PRSS12: variants seen among roughly 807,000 people sequenced by gnomAD.
PRSS12 encodes the protein neurotrypsin.
Under a neutral mutation model 104.4 loss-of-function variants are expected in PRSS12, and 85 were observed. The ratio of observed to expected loss-of-function variants is 0.81; its 90% CI spans 0.68 to 0.98. The LOEUF (loss-of-function observed/expected upper bound fraction) is 0.98. Ranked by LOEUF, PRSS12 falls within the 50% of genes least tolerant of loss-of-function variation. PRSS12 has a pLI of 0.00. For missense variants in PRSS12, 1,141 were observed against 1,139.2 expected, an observed-to-expected ratio of 1.00 and a Z score of -0.02; for synonymous variants, 454 against 425.2, an observed-to-expected ratio of 1.07 and a Z score of -0.83.
rs1743370450 is a variant in PRSS12 at position 118,300,115 on chromosome 4, A to G, written c.1632-1177T>C. ...AGCCTTGAACTCTTGGGCTCGGGAG[A>G]CCCTCTCACCTCATCCCCCCAAGTA... is the stretch of plus-strand genomic sequence containing the variant. On this transcript the variant is annotated intron_variant, in intron 8 of 12. Transcript: ENST00000296498. Among the ~76,000 whole-genome samples, 3 of 150,980 alleles carry G rather than the reference A, an allele frequency of 2.0e-5. No homozygotes were observed. The South Asian group carries it at 6.3e-4, about 32-fold the overall frequency.
Position 118,335,588 on chromosome 4 carries a change from G to A in PRSS12, c.705C>T (p.Ser235=), listed in dbSNP as rs768927898. 1 of 1,614,020 alleles carries A rather than the reference G, an allele frequency of 6.2e-7. No individual in the cohort carries two copies. Residue 235 remains serine, a synonymous_variant, in exon 3 of 13, where the codon AGC becomes AGT. Transcript: ENST00000296498. ...SGLGLIPIYW[S]NVRCRGDEEN... is the part of the protein sequence containing the mutation. ...CTTCATCTCCTCGGCAACGGACATT[G>A]CTCCAATAAATGGGAATAAGGCCCA...
Position 118,352,649 on chromosome 4 carries a change from G to C in PRSS12, c.72C>G (p.Val24=), listed in dbSNP as rs1337301506. Residue 24 remains valine (V), a synonymous_variant, in exon 1 of 13, where the codon GTC becomes GTG. Coordinates refer to ENST00000296498, the MANE Select transcript of PRSS12 (RefSeq NM_003619.4). ...GGCTGTGGTGGAGGGAATCATTGAGGACAGAATCAAAGCCGACCACTTCGG... is the reference window on the plus strand; with the variant it reads ...GGCTGTGGTGGAGGGAATCATTGAGCACAGAATCAAAGCCGACCACTTCGG... ...ALPEVVGFDS[V]LNDSLHHSHR... is the part of the protein sequence containing the mutation. 6.2e-7 allele frequency: 1 copy of C among 1,613,290 alleles called. No homozygotes were observed. Among genetic ancestry groups the C allele is most frequent in the Non-Finnish European group, 8.5e-7 (1 of 1,179,588 alleles).
chr4:118,328,147 CAAATT>C (rs1240209548), intron 4 of PRSS12, among the ~76,000 whole-genome samples: 1 of 152,108 alleles, frequency 6.6e-6, no homozygotes, highest in African/African-American at 2.4e-5. Flanking sequence ...ATGAGCAAAA[CAAATT>C]ATAGAGAAAG....
Position 118,352,498 on chromosome 4 carries a change from G to A in PRSS12, c.223C>T (p.Gln75Ter), listed in dbSNP as rs1418021891. The change falls in exon 1 of 13, where the codon CAG (glutamine) becomes TAG (stop). Residue 75 changes from glutamine to a stop codon, truncating the protein, a stop_gained. Coordinates refer to ENST00000296498, the MANE Select transcript of PRSS12 (RefSeq NM_003619.4). LOFTEE classifies it high-confidence loss of function. ...FPRPPRALPA[Q>*]RPHALQAGHT... ...CCGGCCTGGAGGGCGTGCGGGCGCT[G>A]GGCAGGGAGCGCCCGCGGGGGGCGC... 8 of 1,426,954 alleles carry A rather than the reference G, an allele frequency of 5.6e-6. No homozygotes were observed. The highest frequency in any genetic ancestry group is 6.4e-6 in the Non-Finnish European group (7 of 1,091,352). The allele number at this position is 1,426,954 out of a possible 1,614,324, so 88.4% of individuals were successfully genotyped here.
At chr4:118,328,913 C>A (rs1157938611) in intron 4 of PRSS12, among the ~76,000 whole-genome samples, 1 of 152,172 alleles carries the variant, frequency 6.6e-6, no homozygotes. Context: ...CCTGCCTCAG[C>A]CTCCTGAGTA....
At chr4:118,343,527 C>T (rs1015376808) in intron 1 of PRSS12, among the ~76,000 whole-genome samples, 1 of 152,162 alleles carries the variant, frequency 6.6e-6, no homozygotes, top group Non-Finnish European at 1.5e-5. Context: ...CCAGCTTATT[C>T]CAAAATAAAG....
chr4:118,287,103 G>C (rs1440155132), intron 11 of PRSS12, among the ~76,000 whole-genome samples: 1 of 152,048 alleles, frequency 6.6e-6, no homozygotes, highest in Non-Finnish European at 1.5e-5. Context: ...TCAAAATGAA[G>C]TTGTTAGTTC....
intron 2 of PRSS12, among the ~76,000 whole-genome samples, chr4:118,337,136 A>G (rs1724082475): frequency 1.3e-5 from 2 of 152,296 alleles, no homozygotes; most frequent in Admixed American, 6.5e-5. Flanking sequence ...TCAGCTTCCT[A>G]GTGGTAAGAC....
At chr4:118,350,477 T>C (rs1362985434) in intron 1 of PRSS12, among the ~76,000 whole-genome samples, 6 of 152,228 alleles carry the variant, frequency 3.9e-5, no homozygotes, top group Admixed American at 3.9e-4. Context: ...ATTACACAGT[T>C]GATCGTTTTC....
chr4:118,318,579 G>C, intron 4 of PRSS12, 23 bp from the exon 5 acceptor site: 1 of 1,608,918 alleles, frequency 6.2e-7, no homozygotes, highest in Non-Finnish European at 8.5e-7. Context: ...AAGAATGTAA[G>C]GATTCTGGAT....
chr4:118,305,896 A>C (rs1743537002), intron 8 of PRSS12: 1 of 152,160 alleles, frequency 6.6e-6, no homozygotes, highest in Non-Finnish European at 1.5e-5. Context: ...AAGTGGAATC[A>C]TGTAGTATTT....
intron 9 of PRSS12, among the ~76,000 whole-genome samples, chr4:118,297,350 G>A (rs1743276824): frequency 6.6e-6 from 1 of 151,974 alleles, no homozygotes; most frequent in Non-Finnish European, 1.5e-5. Context: ...TTTTTCAACT[G>A]CTTACGGAAT....
chr4:118,325,784 T>C (rs1251316490), intron 4 of PRSS12, among the ~76,000 whole-genome samples: 1 of 152,082 alleles, frequency 6.6e-6, no homozygotes, highest in Non-Finnish European at 1.5e-5. Context: ...AGTTCATCTG[T>C]AATAAAAGCT....
intron 4 of PRSS12, among the ~76,000 whole-genome samples, chr4:118,328,353 T>C (rs1478991480): frequency 6.6e-6 from 1 of 152,164 alleles, no homozygotes; most frequent in Non-Finnish European, 1.5e-5. Flanking sequence ...TAATCACTTT[T>C]CCAAAGAATC....
chr4:118,319,931 C>G (rs1316273952), intron 4 of PRSS12, among the ~76,000 whole-genome samples: 1 of 152,182 alleles, frequency 6.6e-6, no homozygotes, highest in Admixed American at 6.5e-5. Flanking sequence ...CCACCTCAAC[C>G]TCCCAAAAGT....
intron 11 of PRSS12, among the ~76,000 whole-genome samples, chr4:118,284,512 A>G (rs1010844989): frequency 1.3e-5 from 2 of 152,142 alleles, no homozygotes; most frequent in Admixed American, 1.3e-4. Flanking sequence ...TCAGCCACAC[A>G]CTTACAATGT....
chr4:118,304,217 C>G (rs941401084), intron 8 of PRSS12, among the ~76,000 whole-genome samples: 2 of 150,814 alleles, frequency 1.3e-5, no homozygotes, highest in African/African-American at 4.9e-5. Context: ...CATATACACA[C>G]ATATTTTTAA....
In PRSS12 at chr4:118,282,048, AC is replaced by A. The variant is rs1742879766; in HGVS notation, c.2515del (p.Val839TrpfsTer5). 6.2e-7 allele frequency: 1 copy of A among 1,613,760 alleles called. No homozygotes were observed. The highest frequency in any genetic ancestry group is 1.3e-5 in the African/African-American group (1 of 74,796). ...CCCCCAGGAGGTCACCCCATACACC[AC>A]CCAGCTCTCTCCGGGCCGTTCACAC... Reference protein sequence around the residue: ...LMCERPGESWVVYGVTSWGYG... With the variant: ...LMCERPGESWXVYGVTSWGYG... On this transcript the variant is annotated frameshift_variant, in exon 13 of 13. Coordinates refer to ENST00000296498, the MANE Select transcript of PRSS12 (RefSeq NM_003619.4). LOFTEE classifies it high-confidence loss of function.
At chr4:118,295,753 A>C in intron 10 of PRSS12, 25 bp downstream of exon 10, 2 of 1,586,444 alleles carry the variant, frequency 1.3e-6, no homozygotes, top group Non-Finnish European at 1.7e-6. Context: ...GTAATATAAA[A>C]AATCTCTTTT....
Sources: allele counts gnomAD v4.1 joint callset (sites outside exome capture counted in the v4.1 genomes callset), GRCh38; gene constraint gnomAD v4.1.1; transcripts MANE v1.5; gene names NCBI Gene and HGNC (gene_info 2026-07-23, HGNC 2026-07-21).